RBM26: variants seen among roughly 807,000 people sequenced by gnomAD.
RBM26 encodes the protein RNA-binding protein 26.
RBM26 carries 30 observed loss-of-function variants against 123.6 expected under a neutral mutation model. That is an observed-to-expected ratio of 0.24 (90% confidence interval 0.18 to 0.33). RBM26 has a LOEUF of 0.33. RBM26 is among the 10% of genes least tolerant of loss of function. The pLI is 1.00. For missense variants in RBM26, 947 were observed against 1,203.6 expected (o/e 0.79, Z 3.15); for synonymous variants, 400 against 404.4 (o/e 0.99, Z 0.13).
downstream of RBM26, among the ~76,000 whole-genome samples, chr13:79,317,028 T>C (rs374151936): frequency 3.3e-5 from 5 of 151,810 alleles, no homozygotes; most frequent in African/African-American, 1.2e-4. Flanking sequence ...ACAATTTAAA[T>C]CCATATTGGT....
intron 14 of RBM26, among the ~76,000 whole-genome samples, chr13:79,349,564 A>T (rs1328857502): frequency 6.6e-6 from 1 of 152,212 alleles, no homozygotes; most frequent in Non-Finnish European, 1.5e-5. Context: ...CAGCAAAGCT[A>T]ATACACTCAA....
At chr13:79,351,074 T>C (rs1204936683) in intron 14 of RBM26, among the ~76,000 whole-genome samples, 1 of 152,168 alleles carries the variant, frequency 6.6e-6, no homozygotes, top group Non-Finnish European at 1.5e-5. Context: ...TATATGGGTA[T>C]ATATATTAGT....
At chr13:79,324,787 GA>G (rs1380372844) in intron 20 of RBM26, among the ~76,000 whole-genome samples, 7 of 150,914 alleles carry the variant, frequency 4.6e-5, no homozygotes, top group South Asian at 2.1e-4. Flanking sequence ...ATTAAAAAAA[GA>G]AAAAAAATTC....
At chr13:79,402,435 C>A (rs1018633993) in intron 1 of RBM26, among the ~76,000 whole-genome samples, 1 of 140,620 alleles carries the variant, frequency 7.1e-6, no homozygotes, top group African/African-American at 2.6e-5. Flanking sequence ...CACAGCCAGG[C>A]TTTTTTTTTT....
chr13:79,383,680 G>A (rs1378806339), intron 1 of RBM26, among the ~76,000 whole-genome samples: 4 of 151,594 alleles, frequency 2.6e-5, no homozygotes, highest in Non-Finnish European at 5.9e-5. Flanking sequence ...GGGGTGGGGG[G>A]AACCAATATG....
intron 1 of RBM26, among the ~76,000 whole-genome samples, chr13:79,389,801 G>C (rs1201877148): frequency 6.6e-6 from 1 of 152,008 alleles, no homozygotes; most frequent in Non-Finnish European, 1.5e-5. Flanking sequence ...AATAATTCAA[G>C]AAAATAAGCT....
At chr13:79,357,254 T>C (rs2074133974) in intron 11 of RBM26, among the ~76,000 whole-genome samples, 1 of 152,154 alleles carries the variant, frequency 6.6e-6, no homozygotes, top group South Asian at 2.1e-4. Context: ...ATTACTTTTA[T>C]AGTACTTTTC....
Position 79,390,899 on chromosome 13 carries a change from G to A in RBM26, c.72-11992C>T, listed in dbSNP as rs532082254. On this transcript the variant is annotated intron_variant, in intron 1 of 21. Coordinates refer to ENST00000438737, the MANE Select transcript of RBM26 (RefSeq NM_001366735.2). The stretch of plus-strand genomic sequence containing the variant: ...TTTCATCACCAAAAATAAGAGAATA[G>A]TGTAAAAGATATAGATCAATATATA... 2.0e-5 allele frequency among the ~76,000 whole-genome samples: 3 copies of A among 152,202 alleles called. No homozygotes were observed. The South Asian group carries it at 6.2e-4, about 32-fold the overall frequency.
At chr13:79,377,340 T>A (rs368009598) in intron 3 of RBM26, 39 bp downstream of exon 3, 1 of 1,565,786 alleles carries the variant, frequency 6.4e-7, no homozygotes. Flanking sequence ...TCCTCTTATG[T>A]GTTTAAATAA....
At chr13:79,323,599 C>T (rs1449656609) in intron 20 of RBM26, among the ~76,000 whole-genome samples, 1 of 151,494 alleles carries the variant, frequency 6.6e-6, no homozygotes, top group African/African-American at 2.4e-5. Context: ...AAAATACCTA[C>T]TCATAAAACT....
chr13:79,344,808 T>C lies in RBM26; in HGVS notation c.2059-14A>G, dbSNP rs1430413640. The C allele has an allele frequency of 6.2e-7, 1 of 1,606,584 alleles. No homozygotes were observed. The highest frequency in any genetic ancestry group is 8.5e-7 in the Non-Finnish European group (1 of 1,177,482). On this transcript the variant is annotated splice_polypyrimidine_tract_variant and intron_variant, in intron 14 of 21. Transcript: ENST00000438737. ...TGTAGACAACACCTACCAATACAAA[T>C]TCAACTTTTAAAAATATATATCAGC...
At chr13:79,324,140 A>G (rs2068043837) in intron 20 of RBM26, among the ~76,000 whole-genome samples, 1 of 151,768 alleles carries the variant, frequency 6.6e-6, no homozygotes, top group Non-Finnish European at 1.5e-5. Context: ...CCCTAGCCCT[A>G]AGAGATAACC....
At chr13:79,379,083 G>A (rs1430426498) in intron 1 of RBM26, among the ~76,000 whole-genome samples, 176 bp from the exon 2 acceptor site, 1 of 152,086 alleles carries the variant, frequency 6.6e-6, no homozygotes, top group Non-Finnish European at 1.5e-5. Context: ...ACTCCTTAAT[G>A]CTATGTGTAG....
intron 1 of RBM26, among the ~76,000 whole-genome samples, chr13:79,395,761 CAAAA>C (rs904086219): frequency 6.6e-6 from 1 of 151,022 alleles, no homozygotes; most frequent in African/African-American, 2.4e-5. Flanking sequence ...AACAAACAAA[CAAAA>C]AAATGGAAAA....
intron 2 of RBM26, among the ~76,000 whole-genome samples, chr13:79,378,466 G>C (rs2076822555): frequency 1.3e-5 from 2 of 151,966 alleles, no homozygotes; most frequent in Non-Finnish European, 2.9e-5. Flanking sequence ...TTTGAGATGA[G>C]TCTCACTTTG....
intron 19 of RBM26, among the ~76,000 whole-genome samples, chr13:79,335,269 A>G (rs549144135): frequency 6.6e-6 from 1 of 152,236 alleles, no homozygotes; most frequent in African/African-American, 2.4e-5. Flanking sequence ...TTAGCTGTGT[A>G]AACAAGTTAC....
downstream of RBM26, among the ~76,000 whole-genome samples, chr13:79,318,558 A>T (rs2067357896): frequency 6.6e-6 from 1 of 151,384 alleles, no homozygotes; most frequent in Non-Finnish European, 1.5e-5. Context: ...GGTAAGATTT[A>T]ATCTCCATTC....
intron 20 of RBM26, among the ~76,000 whole-genome samples, chr13:79,331,921 G>T (rs1328805876): frequency 2.0e-5 from 3 of 152,138 alleles, no homozygotes; most frequent in African/African-American, 4.8e-5. Flanking sequence ...AGGTAACAAG[G>T]CAGAGTCAAA....
chr13:79,319,257 T>C lies in RBM26; in HGVS notation c.*1364A>G. 1 of 983,924 alleles carries C rather than the reference T, an allele frequency of 1.0e-6. No homozygotes were observed. Among genetic ancestry groups the C allele is most frequent in the Non-Finnish European group, 1.2e-6 (1 of 828,786 alleles). The allele number at this position is 983,924 out of a possible 1,614,324, so 60.9% of individuals were successfully genotyped here. On this transcript the variant is annotated 3_prime_UTR_variant, in exon 22 of 22. Coordinates refer to ENST00000438737, the MANE Select transcript of RBM26 (RefSeq NM_001366735.2). ...GACCCCAATATGGAAGAAAGTAATT[T>C]TTTAAATGTGATTTTTTAATATTAT... is the stretch of plus-strand genomic sequence containing the variant.
Sources: gnomAD v4.1 joint callset for allele counts (sites outside exome capture counted in the v4.1 genomes callset) on GRCh38, gnomAD v4.1.1 for gene constraint, MANE v1.5 for transcripts, NCBI Gene and HGNC (gene_info 2026-07-23, HGNC 2026-07-21) for gene names.